The following SIPA1L2 variants were observed in gnomAD, a reference collection of about 807,000 sequenced individuals.
SIPA1L2 encodes signal induced proliferation associated 1 like 2, also known as signal-induced proliferation-associated 1-like protein 2.
A neutral mutation model predicts 163.9 loss-of-function variants in SIPA1L2; 56 were observed. That is an observed-to-expected ratio of 0.34 (90% CI 0.28 to 0.43). The LOEUF (loss-of-function observed/expected upper bound fraction) is 0.43. Ranked by LOEUF, SIPA1L2 falls within the 20% of genes least tolerant of loss-of-function variation. SIPA1L2 has a pLI of 1.00. For synonymous variants in SIPA1L2, 877 were observed against 865.7 expected (o/e 1.01, Z -0.23); for missense variants, 1,974 against 2,193.5 (o/e 0.90, Z 2.00).
chr1:232,418,516 G>A (rs1245039410), intron 18 of SIPA1L2, among the ~76,000 whole-genome samples: 3 of 152,174 alleles, frequency 2.0e-5, no homozygotes, highest in South Asian at 2.1e-4. Context: ...GAGTGGGCCC[G>A]GCTGCCCACG....
rs774922566 is a variant in SIPA1L2 at position 232,425,780 on chromosome 1, C to T, written c.4439G>A (p.Arg1480Lys). The T allele has an allele frequency of 1.9e-6, 3 of 1,613,890 alleles. No individual in the cohort carries two copies. Among genetic ancestry groups the T allele is most frequent in the Non-Finnish European group, 2.5e-6 (3 of 1,179,886 alleles). ...KFSFYGNLSP[R>K]RSLYRTLSDE... ...AGACAGCGTGCGGTAAAGCGACCTC[C>T]TTGGAGACAGGTTCCCATAGAACGA... Residue 1480 changes from arginine (R) to lysine (K), a missense_variant, in exon 18 of 23, where the codon AGG (arginine) becomes AAG (lysine). This residue lies in a region of SIPA1L2 where 1,079 missense variants were observed against 1,150.7 expected (regional missense o/e 0.94). Coordinates refer to ENST00000674635, the MANE Select transcript of SIPA1L2 (RefSeq NM_020808.5).
At chr1:232,573,461 T>C (rs1465480299) in intron 2 of SIPA1L2, among the ~76,000 whole-genome samples, 4 of 152,266 alleles carry the variant, frequency 2.6e-5, no homozygotes, top group South Asian at 2.1e-4. Context: ...CCTGTGTGCA[T>C]TGTTGTGTAG....
At chr1:232,530,603 G>C (rs1394001583) in intron 2 of SIPA1L2, among the ~76,000 whole-genome samples, 2 of 152,120 alleles carry the variant, frequency 1.3e-5, no homozygotes, top group Non-Finnish European at 2.9e-5. Context: ...AACAAGTTTG[G>C]GGTTGTTTTG....
At chr1:232,623,161 G>A (rs1250145984) in intron 1 of SIPA1L2, among the ~76,000 whole-genome samples, 1 of 152,220 alleles carries the variant, frequency 6.6e-6, no homozygotes. Flanking sequence ...TAACGGCTGG[G>A]AAGCCAGGCA....
chr1:232,495,017 A>G (rs551013929), intron 3 of SIPA1L2, among the ~76,000 whole-genome samples: 72 of 152,220 alleles, frequency 4.7e-4, no homozygotes, highest in Non-Finnish European at 7.9e-4. Context: ...GGTTATGCCA[A>G]TGCTTGCCAC....
At chr1:232,562,359 G>A (rs1413114202) in intron 2 of SIPA1L2, among the ~76,000 whole-genome samples, 2 of 152,174 alleles carry the variant, frequency 1.3e-5, no homozygotes, top group South Asian at 4.1e-4. Flanking sequence ...ATCTTTACTT[G>A]GCTAATTGCC....
At chr1:232,460,065 C>T (rs1664148630) in intron 10 of SIPA1L2, among the ~76,000 whole-genome samples, 1 of 152,154 alleles carries the variant, frequency 6.6e-6, no homozygotes, top group South Asian at 2.1e-4. Context: ...CCTGTACGAA[C>T]TCCATTTGGG....
Position 232,415,593 on chromosome 1 carries a change from C to T in SIPA1L2, c.4663G>A (p.Asp1555Asn). 6.2e-7 allele frequency: 1 copy of T among 1,613,932 alleles called. No homozygotes were observed. The highest frequency in any genetic ancestry group is 1.7e-5 in the Admixed American group (1 of 59,986). The change falls in exon 19 of 23, where the codon GAT (aspartate) becomes AAT (asparagine). Residue 1555 changes from aspartate to asparagine, a missense_variant. Coordinates refer to ENST00000674635, the MANE Select transcript of SIPA1L2 (RefSeq NM_020808.5). The stretch of plus-strand genomic sequence containing the variant: ...CCAGGATCTGCGCACTTGGACTTAT[C>T]TGATAAGGACCCATCGGAGAACCAG... The part of the protein sequence containing the change: ...EFWFSDGSLS[D>N]KSKCADPGLM...
At chr1:232,572,354 T>C (rs1225042187) in intron 2 of SIPA1L2, among the ~76,000 whole-genome samples, 2 of 152,194 alleles carry the variant, frequency 1.3e-5, no homozygotes, top group Non-Finnish European at 2.9e-5. Context: ...TCCCATTTCC[T>C]ATGCTGAAAA....
upstream of SIPA1L2, among the ~76,000 whole-genome samples, chr1:232,630,386 C>A (rs1334356696): frequency 1.3e-5 from 2 of 152,110 alleles, no homozygotes; most frequent in Admixed American, 6.5e-5. Flanking sequence ...CTGCGGGGCG[C>A]ATCATGAGCG....
Position 232,445,699 on chromosome 1 carries a change from C to T in SIPA1L2, c.3183G>A (p.Arg1061=), listed in dbSNP as rs1447922170. The change falls in exon 11 of 23, where the codon AGG becomes AGA. Residue 1061 remains arginine, a synonymous_variant. Coordinates refer to ENST00000674635, the MANE Select transcript of SIPA1L2 (RefSeq NM_020808.5). ...GTPCEYKTPF[R]RNTTWHRVPT... ...GCACCCGGTGCCACGTGGTGTTCCT[C>T]CTGAAGGGGGTTTTATACTCGCAGG... 7 of 1,613,636 alleles carry T rather than the reference C, an allele frequency of 4.3e-6. No individual in the cohort carries two copies. The East Asian group carries it at 1.6e-4, about 36-fold the overall frequency.
chr1:232,481,782 T>C (rs2102973817), intron 6 of SIPA1L2, among the ~76,000 whole-genome samples: 1 of 152,272 alleles, frequency 6.6e-6, no homozygotes, highest in South Asian at 2.1e-4. Context: ...TCCTATCCCA[T>C]TTCATTTTGT....
At chr1:232,402,257 C>A in intron 22 of SIPA1L2, 135 bp downstream of exon 22, 1 of 639,456 alleles carries the variant, frequency 1.6e-6, no homozygotes. Context: ...ACCTCAGGAG[C>A]ATCTGTTGGT....
chr1:232,431,990 G>A (rs531799801), intron 16 of SIPA1L2, among the ~76,000 whole-genome samples: 1 of 152,214 alleles, frequency 6.6e-6, no homozygotes, highest in Non-Finnish European at 1.5e-5. Flanking sequence ...TCAGCAGCAT[G>A]TTACCATGAC....
In SIPA1L2 at chr1:232,489,631, A is replaced by G. The variant is rs541010858; in HGVS notation, c.1806+1243T>C. Among the ~76,000 whole-genome samples the G allele has an allele frequency of 2.0e-4, 30 of 152,302 alleles. No homozygotes were observed. The South Asian group carries it at 6.2e-3, about 32-fold the overall frequency. ...TAGACCAATTAGTTTCATCACTTTTAGAATTCTAGCCATCTGCGGTGCCAA... is the reference window on the plus strand; with the variant it reads ...TAGACCAATTAGTTTCATCACTTTTGGAATTCTAGCCATCTGCGGTGCCAA... On this transcript the variant is annotated intron_variant, in intron 5 of 22. Coordinates refer to ENST00000674635, the MANE Select transcript of SIPA1L2 (RefSeq NM_020808.5).
chr1:232,509,828 G>A (rs1666897788), intron 3 of SIPA1L2, among the ~76,000 whole-genome samples: 1 of 152,206 alleles, frequency 6.6e-6, no homozygotes, highest in Non-Finnish European at 1.5e-5. Flanking sequence ...GCTAAATATA[G>A]GAGGAGGCAG....
At chr1:232,572,771 A>C (rs1558277867) in intron 2 of SIPA1L2, among the ~76,000 whole-genome samples, 8 of 111,810 alleles carry the variant, frequency 7.2e-5, no homozygotes, top group Admixed American at 4.7e-4. Context: ...ATATATATAT[A>C]TATATATATT....
rs779349489 is a variant in SIPA1L2 at position 232,428,536 on chromosome 1, T to C, written c.4285A>G (p.Thr1429Ala). Residue 1429 changes from threonine to alanine, a missense_variant, in exon 17 of 23, where the codon ACA (threonine) becomes GCA (alanine). This residue lies in a region of SIPA1L2 where 1,079 missense variants were observed against 1,150.7 expected (regional missense o/e 0.94). Transcript: ENST00000674635. ...GMYSEMDVMS[T>A]ATQHQTVVGD... ...ACCACTGTCTGATGCTGAGTTGCTG[T>C]GGACATGACATCCATCTCACTATAC... The C allele has an allele frequency of 1.3e-6, 2 of 1,584,420 alleles. No homozygotes were observed. The highest frequency in any genetic ancestry group is 1.7e-6 in the Non-Finnish European group (2 of 1,168,424).
intron 6 of SIPA1L2, among the ~76,000 whole-genome samples, chr1:232,482,769 C>T (rs1665428931): frequency 1.3e-5 from 2 of 152,116 alleles, no homozygotes; most frequent in Admixed American, 1.3e-4. Flanking sequence ...GGCTTGGTGA[C>T]CAAGGAGAAT....
Sources: allele counts gnomAD v4.1 joint callset (sites outside exome capture counted in the v4.1 genomes callset), GRCh38; gene constraint gnomAD v4.1.1; regional missense constraint gnomAD v4.1.1; transcripts MANE v1.5; gene names NCBI Gene and HGNC (gene_info 2026-07-23, HGNC 2026-07-21).